Variants in CNTNAP2 observed in about 807,000 individuals in gnomAD.
CNTNAP2 encodes contactin-associated protein-like 2.
A neutral mutation model predicts 155.2 loss-of-function variants in CNTNAP2; 98 were observed. That is an observed-to-expected ratio of 0.63 (90% CI 0.54 to 0.75). The LOEUF (loss-of-function observed/expected upper bound fraction) is 0.75. Among genes scored for constraint, CNTNAP2 ranks in the 30% least tolerant of loss-of-function variants. The probability of loss-of-function intolerance (pLI) is 0.00; values close to 1 mark genes in which losing one functional copy is unlikely to be tolerated. For synonymous variants in CNTNAP2, 651 were observed against 631.2 expected, an observed-to-expected ratio of 1.03 and a Z score of -0.47; for missense variants, 1,727 against 1,688.1, an observed-to-expected ratio of 1.02 and a Z score of -0.40.
rs1175042678 is a variant in CNTNAP2 at position 146,843,718 on chromosome 7, T to C, written c.402+3814T>C. Among the ~76,000 whole-genome samples, 3 of 151,734 alleles carry C rather than the reference T, an allele frequency of 2.0e-5. No homozygotes were observed. The South Asian group carries it at 6.2e-4, about 31-fold the overall frequency. Reference sequence around the variant, plus strand: ...TTATCATTCATTAAGTGATTAAAATTTAGCATTTACAAATTTCAAAAAAAA... The same window carrying C: ...TTATCATTCATTAAGTGATTAAAATCTAGCATTTACAAATTTCAAAAAAAA... On this transcript the variant is annotated intron_variant, in intron 3 of 23. Transcript: ENST00000361727.
intron 3 of CNTNAP2, among the ~76,000 whole-genome samples, chr7:146,936,279 T>G (rs1354887103): frequency 6.6e-6 from 1 of 152,168 alleles, no homozygotes; most frequent in Non-Finnish European, 1.5e-5. Context: ...TCACTTGTGC[T>G]AAGTGTGACA....
chr7:146,913,563 G>A (rs531033198), intron 3 of CNTNAP2, among the ~76,000 whole-genome samples: 5 of 152,046 alleles, frequency 3.3e-5, no homozygotes, highest in South Asian at 2.1e-4. Context: ...GCCCTCTTTC[G>A]GCAAGGAGAC....
intron 3 of CNTNAP2, among the ~76,000 whole-genome samples, chr7:146,959,309 T>G (rs1006693630): frequency 1.3e-5 from 2 of 152,166 alleles, no homozygotes; most frequent in Non-Finnish European, 2.9e-5. Context: ...CCTAGGATCA[T>G]GACTTTTATA....
In CNTNAP2 at chr7:147,562,385, G is replaced by T. The variant is rs1800081255; in HGVS notation, c.1897+128G>T. The T allele has an allele frequency of 2.6e-6, 3 of 1,158,872 alleles. No homozygotes were observed. The South Asian group carries it at 3.8e-5, about 15-fold the overall frequency. The allele number at this position is 1,158,872 out of a possible 1,614,324, so 71.8% of individuals were successfully genotyped here. On this transcript the variant is annotated intron_variant, in intron 12 of 23. Coordinates refer to ENST00000361727, the MANE Select transcript of CNTNAP2 (RefSeq NM_014141.6). ...ACATCTAATCAGCAACATATTGCTG[G>T]ATTTGTTAGATAAGATGATGAAATG... is the stretch of plus-strand genomic sequence containing the variant.
In CNTNAP2 at chr7:146,313,187, G is replaced by T. The variant is rs1185264993; in HGVS notation, c.97+196214G>T. 2.6e-5 allele frequency among the ~76,000 whole-genome samples: 4 copies of T among 152,254 alleles called. No individual in the cohort carries two copies. The East Asian group carries it at 5.8e-4, about 22-fold the overall frequency. On this transcript the variant is annotated intron_variant, in intron 1 of 23. Coordinates refer to ENST00000361727, the MANE Select transcript of CNTNAP2 (RefSeq NM_014141.6). ...ACTTTCCCATCAACAATGTACAAGG[G>T]TTACCTTTTCTCCACATCCTTGCCA...
chr7:146,370,544 T>C (rs1293279199), intron 1 of CNTNAP2, among the ~76,000 whole-genome samples: 25 of 152,158 alleles, frequency 1.6e-4, no homozygotes. Flanking sequence ...TGTCGAGACT[T>C]TGTATCATTT....
intron 11 of CNTNAP2, among the ~76,000 whole-genome samples, chr7:147,516,301 C>T (rs940258158): frequency 6.6e-6 from 1 of 152,114 alleles, no homozygotes; most frequent in African/African-American, 2.4e-5. Context: ...CAATGATTCA[C>T]TATGTACAGT....
At chr7:147,562,318 TCCACCAATGG>T in intron 12 of CNTNAP2, 61 bp downstream of exon 12, 1 of 1,604,178 alleles carries the variant, frequency 6.2e-7, no homozygotes, top group South Asian at 1.1e-5. Flanking sequence ...AATAAGTAGT[TCCACCAATGG>T]TTTGTTTCTT....
chr7:147,889,215 A>G (rs1255293766), intron 13 of CNTNAP2, among the ~76,000 whole-genome samples: 1 of 152,118 alleles, frequency 6.6e-6, no homozygotes, highest in East Asian at 1.9e-4. Context: ...CAGAAGGAAG[A>G]AAAAATACTT....
chr7:148,245,850 C>T (rs567126473), intron 20 of CNTNAP2, among the ~76,000 whole-genome samples: 4 of 152,248 alleles, frequency 2.6e-5, no homozygotes, highest in African/African-American at 9.6e-5. Context: ...ACAAAAGAAG[C>T]GAATGTCCAT....
chr7:148,061,489 G>C (rs1220584844), intron 15 of CNTNAP2, among the ~76,000 whole-genome samples: 1 of 152,068 alleles, frequency 6.6e-6, no homozygotes, highest in African/African-American at 2.4e-5. Context: ...AAGTAGCTGG[G>C]ACTACAGGTG....
intron 22 of CNTNAP2, among the ~76,000 whole-genome samples, chr7:148,406,411 A>G (rs1210580556): frequency 6.6e-6 from 1 of 152,178 alleles, no homozygotes. Flanking sequence ...CTCCAACTCA[A>G]TATGTCCAAT....
chr7:148,415,730 T>G lies in CNTNAP2; in HGVS notation c.*114T>G. 8.3e-7 allele frequency: 1 copy of G among 1,197,814 alleles called. No individual in the cohort carries two copies. Among genetic ancestry groups the G allele is most frequent in the Admixed American group, 2.0e-5 (1 of 50,228 alleles). 74.2% of individuals were successfully genotyped at this position (1,197,814 alleles called of 1,614,324 possible). Reference sequence around the variant, plus strand: ...CACATCCTTAAAATATCAGCACAAGTTGGGGGAGGCAGGCAATGGAATATA... The same window carrying G: ...CACATCCTTAAAATATCAGCACAAGGTGGGGGAGGCAGGCAATGGAATATA... On this transcript the variant is annotated 3_prime_UTR_variant, in exon 24 of 24. Coordinates refer to ENST00000361727, the MANE Select transcript of CNTNAP2 (RefSeq NM_014141.6).
Position 147,093,216 on chromosome 7 carries a change from G to A in CNTNAP2, c.551-14931G>A, listed in dbSNP as rs180735852. Among the ~76,000 whole-genome samples the A allele has an allele frequency of 6.9e-3, 1,011 of 146,656 alleles. 11 individuals carry two copies. Among genetic ancestry groups the A allele is most frequent in the African/African-American group, 0.024 (943 of 39,430 alleles). ...AGATCGCACCACTGCACTCCAGCCTGGGCGAAAGAGCGAGACTCCATCTCA... is the reference window on the plus strand; with the variant it reads ...AGATCGCACCACTGCACTCCAGCCTAGGCGAAAGAGCGAGACTCCATCTCA... On this transcript the variant is annotated intron_variant, in intron 4 of 23. Transcript: ENST00000361727.
intron 15 of CNTNAP2, among the ~76,000 whole-genome samples, chr7:148,054,450 T>G (rs1472979446): frequency 4.8e-5 from 1 of 21,020 alleles, no homozygotes; most frequent in African/African-American, 1.8e-4. Context: ...CAGTGGCCTT[T>G]TTTTTTTTTT....
chr7:147,561,220 A>T (rs1199008930), intron 11 of CNTNAP2, among the ~76,000 whole-genome samples: 1 of 152,158 alleles, frequency 6.6e-6, no homozygotes, highest in Non-Finnish European at 1.5e-5. Context: ...AACAACCCCT[A>T]AGGAGTGTAA....
intron 1 of CNTNAP2, among the ~76,000 whole-genome samples, chr7:146,240,123 G>A (rs370049704): frequency 2.6e-5 from 4 of 152,118 alleles, no homozygotes; most frequent in Non-Finnish European, 4.4e-5. Flanking sequence ...AATAGAAACT[G>A]TATTAACTAT....
At chr7:147,981,786 G>GGTATGTGTGTGTGTGTGTGT (rs1483366188) in intron 15 of CNTNAP2, among the ~76,000 whole-genome samples, 7 of 143,776 alleles carry the variant, frequency 4.9e-5, no homozygotes, top group African/African-American at 1.8e-4. Flanking sequence ...TGTCCTTACA[G>GGTATGTGTGTGTGTGTGTGT]GTGTGTGTGT....
At chr7:146,130,119 G>A (rs1447826024) in intron 1 of CNTNAP2, among the ~76,000 whole-genome samples, 1 of 152,114 alleles carries the variant, frequency 6.6e-6, no homozygotes. Flanking sequence ...AAATTATCCC[G>A]CTTAATTGTC....
Sources: gnomAD v4.1 joint callset for allele counts (sites outside exome capture counted in the v4.1 genomes callset) on GRCh38, gnomAD v4.1.1 for gene constraint, MANE v1.5 for transcripts, NCBI Gene and HGNC (gene_info 2026-07-23, HGNC 2026-07-21) for gene names.